STK3: variants seen among roughly 807,000 people sequenced by gnomAD.
STK3 encodes serine/threonine kinase 3.
STK3 carries 41 observed loss-of-function variants against 58.0 expected under a neutral mutation model. The observed-to-expected ratio is 0.71, with a 90% CI of 0.55 to 0.92. The LOEUF (loss-of-function observed/expected upper bound fraction) is 0.92, where lower values mean the gene tolerates loss of function less well. STK3 is among the 40% of genes least tolerant of loss of function. The pLI is 0.00. For missense variants in STK3, 479 were observed against 602.7 expected, an observed-to-expected ratio of 0.79 and a Z score of 2.15; for synonymous variants, 170 against 191.0, an observed-to-expected ratio of 0.89 and a Z score of 0.91.
chr8:98,493,966 C>T (rs1356925800), intron 10 of STK3, among the ~76,000 whole-genome samples: 1 of 152,190 alleles, frequency 6.6e-6, no homozygotes, highest in Non-Finnish European at 1.5e-5. Flanking sequence ...TCAAAACTGT[C>T]CCCTAATATC....
chr8:98,381,114 A>T (rs911633160), intron 1 of STK3, among the ~76,000 whole-genome samples: 3 of 151,590 alleles, frequency 2.0e-5, no homozygotes, highest in African/African-American at 7.3e-5. Context: ...AGGACTACAG[A>T]TGCCCACCAC....
At chr8:98,419,147 G>A (rs1818144784) in intron 3 of STK3, among the ~76,000 whole-genome samples, 1 of 152,182 alleles carries the variant, frequency 6.6e-6, no homozygotes. Flanking sequence ...GATCACTTGA[G>A]GCCAGGAGTT....
At chr8:98,517,514 A>G (rs1318451754) in intron 10 of STK3, among the ~76,000 whole-genome samples, 3 of 152,104 alleles carry the variant, frequency 2.0e-5, no homozygotes, top group Non-Finnish European at 4.4e-5. Flanking sequence ...GAAGATAGAC[A>G]TGAGAAGTAT....
chr8:98,614,677 C>A (rs140864673), intron 6 of STK3, among the ~76,000 whole-genome samples: 1 of 152,170 alleles, frequency 6.6e-6, no homozygotes, highest in African/African-American at 2.4e-5. Context: ...GTTCCCTTTC[C>A]GAGTCAAAGA....
At chr8:98,583,734 G>C (rs894607898) in intron 7 of STK3, among the ~76,000 whole-genome samples, 1 of 151,946 alleles carries the variant, frequency 6.6e-6, no homozygotes, top group Non-Finnish European at 1.5e-5. Flanking sequence ...ATCTTGTCTT[G>C]TTCTGAAAAC....
chr8:98,505,900 C>T (rs1274020917), intron 10 of STK3, among the ~76,000 whole-genome samples: 1 of 152,202 alleles, frequency 6.6e-6, no homozygotes, highest in African/African-American at 2.4e-5. Context: ...AGCTCGAACA[C>T]CATGCTGGGA....
chr8:98,839,052 G>T (rs1330954518), intron 3 of STK3, among the ~76,000 whole-genome samples: 13 of 151,340 alleles, frequency 8.6e-5, no homozygotes, highest in East Asian at 3.9e-4. Context: ...TGATTTTTGG[G>T]GGGGGGCGGT....
chr8:98,408,651 G>A (rs1818023526), intron 3 of STK3, among the ~76,000 whole-genome samples: 1 of 152,302 alleles, frequency 6.6e-6, no homozygotes, highest in South Asian at 2.1e-4. Context: ...TTCTAAATAG[G>A]CCTTCCTGAC....
At chr8:98,717,702 A>G (rs1486358291) in intron 4 of STK3, among the ~76,000 whole-genome samples, 2 of 152,226 alleles carry the variant, frequency 1.3e-5, no homozygotes, top group Non-Finnish European at 2.9e-5. Context: ...CAGGGTCTCA[A>G]AGAGGTGTTT....
intron 1 of STK3, among the ~76,000 whole-genome samples, chr8:98,387,117 G>A (rs192322749): frequency 6.6e-6 from 1 of 152,214 alleles, no homozygotes; most frequent in African/African-American, 2.4e-5. Context: ...GTTATTTCAA[G>A]TGACTTTAAA....
At chr8:98,544,525 G>C (rs890878865) in intron 9 of STK3, among the ~76,000 whole-genome samples, 1 of 151,970 alleles carries the variant, frequency 6.6e-6, no homozygotes, top group African/African-American at 2.4e-5. Context: ...TTTTCAGAGG[G>C]TCTGCTCTGT....
At chr8:98,653,050 C>A (rs1245672392) in intron 6 of STK3, among the ~76,000 whole-genome samples, 1 of 152,210 alleles carries the variant, frequency 6.6e-6, no homozygotes, top group African/African-American at 2.4e-5. Flanking sequence ...CACCACACCA[C>A]ACCTATTCCA....
intron 6 of STK3, among the ~76,000 whole-genome samples, chr8:98,637,568 T>C (rs1819709717): frequency 6.6e-6 from 1 of 152,178 alleles, no homozygotes; most frequent in South Asian, 2.1e-4. Flanking sequence ...TTCTCACATT[T>C]GGAAATTCCA....
At chr8:98,643,280 CT>C (rs1587130815) in intron 6 of STK3, among the ~76,000 whole-genome samples, 1 of 152,088 alleles carries the variant, frequency 6.6e-6, no homozygotes, top group Admixed American at 6.5e-5. Context: ...ACCTTGAGAT[CT>C]TTGTAACACC....
intron 1 of STK3, among the ~76,000 whole-genome samples, chr8:98,886,063 C>G (rs555486593): frequency 6.6e-6 from 1 of 152,010 alleles, no homozygotes; most frequent in African/African-American, 2.4e-5. Flanking sequence ...GAGAAGAGGG[C>G]GAAAGGCATG....
chr8:98,873,388 T>C (rs117264121), intron 3 of STK3, among the ~76,000 whole-genome samples: 2,126 of 152,354 alleles, frequency 0.014, 20 homozygotes, highest in Non-Finnish European at 0.021. Context: ...AATTCCTGGA[T>C]ATCCTTGTCA....
intron 1 of STK3, among the ~76,000 whole-genome samples, chr8:98,810,645 G>C (rs1052863842): frequency 1.6e-4 from 24 of 152,120 alleles, no homozygotes; most frequent in African/African-American, 5.6e-4. Flanking sequence ...CTTTTAAAGA[G>C]AGACACAGAG....
chr8:98,590,022 G>A (rs890166174), intron 7 of STK3, among the ~76,000 whole-genome samples: 3 of 152,144 alleles, frequency 2.0e-5, no homozygotes, highest in African/African-American at 7.2e-5. Flanking sequence ...GAGATGAACC[G>A]GGTACCTCAG....
intron 1 of STK3, among the ~76,000 whole-genome samples, chr8:98,823,663 T>C (rs1835055643): frequency 6.6e-6 from 1 of 152,234 alleles, no homozygotes; most frequent in South Asian, 2.1e-4. Flanking sequence ...CATAAATATT[T>C]ATTAAATTAG....
Sources: gnomAD v4.1 joint callset for allele counts (sites outside exome capture counted in the v4.1 genomes callset) on GRCh38, gnomAD v4.1.1 for gene constraint, MANE v1.5 for transcripts, NCBI Gene and HGNC (gene_info 2026-07-23, HGNC 2026-07-21) for gene names.